CTNNA3: variants seen among roughly 807,000 people sequenced by gnomAD.
The protein encoded by CTNNA3 is catenin alpha 3, also known as catenin alpha-3.
A neutral mutation model predicts 95.7 loss-of-function variants in CTNNA3; 76 were observed. The ratio of observed to expected loss-of-function variants is 0.79; its 90% CI spans 0.66 to 0.96. The LOEUF is 0.96. CTNNA3 is among the 40% of genes least tolerant of loss of function. CTNNA3 has a pLI of 0.00. For synonymous variants in CTNNA3, 431 were observed against 374.4 expected (o/e 1.15, Z -1.74); for missense variants, 1,191 against 1,089.8 (o/e 1.09, Z -1.31).
chr10:66,101,117 AG>A (rs1197446670), intron 14 of CTNNA3, among the ~76,000 whole-genome samples: 1 of 152,196 alleles, frequency 6.6e-6, no homozygotes, highest in Non-Finnish European at 1.5e-5. Flanking sequence ...TGAAAGCAAG[AG>A]CAAAGCTTAC....
intron 6 of CTNNA3, among the ~76,000 whole-genome samples, chr10:67,190,894 A>G (rs1358360101): frequency 6.6e-6 from 1 of 152,114 alleles, no homozygotes; most frequent in East Asian, 1.9e-4. Flanking sequence ...TTAAAACTCA[A>G]CTATAAATAA....
chr10:67,152,903 A>G (rs1263492655), intron 7 of CTNNA3, among the ~76,000 whole-genome samples: 1 of 152,182 alleles, frequency 6.6e-6, no homozygotes, highest in Non-Finnish European at 1.5e-5. Context: ...CATGCCTACC[A>G]TAGGCGAGGC....
At chr10:67,406,300 A>G (rs1397696983) in intron 5 of CTNNA3, among the ~76,000 whole-genome samples, 1 of 152,184 alleles carries the variant, frequency 6.6e-6, no homozygotes, top group Non-Finnish European at 1.5e-5. Context: ...ACAAAATTAC[A>G]TGGAAATTGA....
rs1311479106 is a variant in CTNNA3, at chr10:67,513,521, T to G, written c.579+8321A>C. On this transcript the variant is annotated intron_variant, in intron 5 of 17. Coordinates refer to ENST00000433211, the MANE Select transcript of CTNNA3 (RefSeq NM_013266.4). Reference sequence around the variant, plus strand: ...CTATGAGGGGCTCCTCTATTCCACATGTCCCTGAATACAGGACAGAATGTC... The same window carrying G: ...CTATGAGGGGCTCCTCTATTCCACAGGTCCCTGAATACAGGACAGAATGTC... Among the ~76,000 whole-genome samples, 7 of 152,334 alleles carry G rather than the reference T, an allele frequency of 4.6e-5. No homozygotes were observed. In the East Asian group the frequency reaches 1.2e-3, roughly 25 times the overall value.
intron 5 of CTNNA3, among the ~76,000 whole-genome samples, chr10:67,401,260 C>T (rs948801465): frequency 6.6e-6 from 1 of 152,130 alleles, no homozygotes; most frequent in African/African-American, 2.4e-5. Context: ...TCTTTAAAAA[C>T]CACCCAGTTT....
chr10:66,420,156 A>G (rs529986437), intron 11 of CTNNA3, among the ~76,000 whole-genome samples: 50 of 152,206 alleles, frequency 3.3e-4, no homozygotes, highest in Non-Finnish European at 7.2e-4. Flanking sequence ...TATCCAGAGT[A>G]TATAAGATAC....
chr10:67,416,264 C>T (rs978486818), intron 5 of CTNNA3, among the ~76,000 whole-genome samples: 1 of 151,912 alleles, frequency 6.6e-6, no homozygotes, highest in Non-Finnish European at 1.5e-5. Flanking sequence ...GCCTAATATC[C>T]AGAATCTATG....
chr10:67,597,500 G>C (rs965978043), intron 3 of CTNNA3, among the ~76,000 whole-genome samples: 16 of 152,166 alleles, frequency 1.1e-4, no homozygotes, highest in Admixed American at 1.0e-3. Context: ...TTGGTCAACT[G>C]GCTTCATTTC....
At chr10:66,499,377 G>C (rs1194408604) in intron 11 of CTNNA3, among the ~76,000 whole-genome samples, 1 of 152,064 alleles carries the variant, frequency 6.6e-6, no homozygotes, top group African/African-American at 2.4e-5. Context: ...AGGCTTAACA[G>C]TCAGGTAAAT....
At position 66,193,354 on chromosome 10, in the gene CTNNA3, T is replaced by C. The variant is rs558614552; in HGVS notation, c.1884+87116A>G. 2.6e-5 allele frequency among the ~76,000 whole-genome samples: 4 copies of C among 152,214 alleles called. No individual in the cohort carries two copies. The South Asian group carries it at 8.3e-4, about 32-fold the overall frequency. ...CAAAAACCATAAGACTGTGGTGTTG[T>C]GGAGCAAGTGGATAGTCTGTTTCAA... is the stretch of plus-strand genomic sequence containing the variant. On this transcript the variant is annotated intron_variant, in intron 13 of 17. Transcript: ENST00000433211.
At chr10:67,373,949 T>C (rs1260179124) in intron 5 of CTNNA3, among the ~76,000 whole-genome samples, 1 of 152,170 alleles carries the variant, frequency 6.6e-6, no homozygotes, top group African/African-American at 2.4e-5. Context: ...GGTCAGGCAC[T>C]TAGTTGTAAT....
Position 67,443,485 on chromosome 10 carries a change from G to A in CTNNA3, c.579+78357C>T, listed in dbSNP as rs946406108. ...GTTTCCTGACTTTTTAATGATTGCC[G>A]TTCTAACTGGTGTGAGATGATATCT... is the stretch of plus-strand genomic sequence containing the variant. On this transcript the variant is annotated intron_variant, in intron 5 of 17. Coordinates refer to ENST00000433211, the MANE Select transcript of CTNNA3 (RefSeq NM_013266.4). Among the ~76,000 whole-genome samples, 234 of 151,720 alleles carry A rather than the reference G, an allele frequency of 1.5e-3. 2 individuals carry two copies. The highest frequency in any genetic ancestry group is 4.7e-3 in the African/African-American group (194 of 41,354).
chr10:67,028,937 G>T (rs1315871543), intron 7 of CTNNA3, among the ~76,000 whole-genome samples: 3 of 152,082 alleles, frequency 2.0e-5, no homozygotes, highest in Admixed American at 1.3e-4. Context: ...ACTTTTTATT[G>T]TACCACATAC....
intron 5 of CTNNA3, among the ~76,000 whole-genome samples, chr10:67,306,134 A>G (rs1400921497): frequency 6.6e-6 from 1 of 152,182 alleles, no homozygotes; most frequent in Non-Finnish European, 1.5e-5. Context: ...AAAAAGCTTA[A>G]CAGTCAGGGA....
intron 6 of CTNNA3, among the ~76,000 whole-genome samples, chr10:67,184,478 C>T (rs1007835093): frequency 1.3e-5 from 2 of 152,190 alleles, no homozygotes; most frequent in African/African-American, 2.4e-5. Context: ...TGACACTCAT[C>T]AAGTAGAAAG....
At chr10:67,450,879 ATATT>A (rs1280899787) in intron 5 of CTNNA3, among the ~76,000 whole-genome samples, 1 of 151,848 alleles carries the variant, frequency 6.6e-6, no homozygotes, top group African/African-American at 2.4e-5. Context: ...TTATAAATAT[ATATT>A]TATTTCTTTT....
At chr10:66,583,450 A>G (rs1223275400) in intron 10 of CTNNA3, among the ~76,000 whole-genome samples, 1 of 151,540 alleles carries the variant, frequency 6.6e-6, no homozygotes, top group African/African-American at 2.4e-5. Context: ...TTTCCTCTAA[A>G]TTTTCTAGTT....
intron 9 of CTNNA3, among the ~76,000 whole-genome samples, chr10:66,732,170 T>C (rs574459998): frequency 6.6e-6 from 1 of 152,352 alleles, no homozygotes; most frequent in East Asian, 1.9e-4. Context: ...CCATGCAACA[T>C]ATCCTACAGA....
chr10:67,737,935 G>T (rs576061212), intron 1 of CTNNA3, among the ~76,000 whole-genome samples: 1 of 152,298 alleles, frequency 6.6e-6, no homozygotes, highest in East Asian at 1.9e-4. Flanking sequence ...AAATCATGCT[G>T]CTACAAAGAC....
Sources: gnomAD v4.1 joint callset for allele counts (sites outside exome capture counted in the v4.1 genomes callset) on GRCh38, gnomAD v4.1.1 for gene constraint, MANE v1.5 for transcripts, NCBI Gene and HGNC (gene_info 2026-07-23, HGNC 2026-07-21) for gene names.